PPP2R3B: variants seen among roughly 807,000 people sequenced by gnomAD.
PPP2R3B encodes the protein serine/threonine-protein phosphatase 2A regulatory subunit B'' subunit beta.
In PPP2R3B, 68 loss-of-function variants were observed where a neutral mutation model predicts 72.9. The observed-to-expected ratio is 0.93, with a 90% CI of 0.77 to 1.14. PPP2R3B has a LOEUF of 1.14. PPP2R3B is among the 50% of genes most tolerant of loss of function. The probability of loss-of-function intolerance (pLI) is 0.00; values close to 1 mark genes in which losing one functional copy is unlikely to be tolerated. For synonymous variants in PPP2R3B, 466 were observed against 375.8 expected, an observed-to-expected ratio of 1.24 and a Z score of -2.78; for missense variants, 1,018 against 842.0, an observed-to-expected ratio of 1.21 and a Z score of -2.59.
At chrX:364,774 TCGGGAGGC>T (rs1427988959) in intron 1 of PPP2R3B, among the ~76,000 whole-genome samples, 1 of 79,140 alleles carries the variant, frequency 1.3e-5, no homozygotes. Flanking sequence ...TCCCAGCTAC[TCGGGAGGC>T]TGAGGCAGGA....
At chrX:369,416 G>A (rs1339288900) in intron 1 of PPP2R3B, among the ~76,000 whole-genome samples, 2 of 152,224 alleles carry the variant, frequency 1.3e-5, no homozygotes, top group Non-Finnish European at 2.9e-5. Context: ...AGGGCACTGA[G>A]AAGGCAGCTC....
At chrX:353,143 G>A (rs1277024166) in intron 2 of PPP2R3B, among the ~76,000 whole-genome samples, 3 of 152,134 alleles carry the variant, frequency 2.0e-5, no homozygotes, top group Non-Finnish European at 4.4e-5. Context: ...AGACGCCAAG[G>A]CGGGTGGATC....
chrX:345,665 G>C lies in PPP2R3B; in HGVS notation c.887C>G (p.Ala296Gly). 6.2e-7 allele frequency: 1 copy of C among 1,612,342 alleles called. No homozygotes were observed. Among genetic ancestry groups the C allele is most frequent in the African/African-American group, 1.3e-5 (1 of 74,876 alleles). The change falls in exon 7 of 13, where the codon GCG becomes GGG. Residue 296 changes from alanine to glycine, a missense_variant. Transcript: ENST00000390665. ...GATGTCCGCCTCCTCCTCCAGCAGC[G>C]CCACATTCTGCCAAAGGACCCAGGC... Reference protein sequence around the residue: ...LRRSSFLQNVALLEEEADINQ... With the variant: ...LRRSSFLQNVGLLEEEADINQ...
intron 6 of PPP2R3B, among the ~76,000 whole-genome samples, 196 bp downstream of exon 6, chrX:345,978 C>A (rs2071196584): frequency 6.9e-6 from 1 of 144,730 alleles, no homozygotes; most frequent in African/African-American, 2.6e-5. Context: ...ACCGTGGACC[C>A]CCAACCGCAG....
intron 1 of PPP2R3B, among the ~76,000 whole-genome samples, chrX:382,834 C>G (rs376367403): frequency 1.6e-4 from 24 of 152,208 alleles, no homozygotes; most frequent in African/African-American, 5.8e-4. Context: ...TTTACCTTAG[C>G]GTCTGGCTGT....
intron 1 of PPP2R3B, among the ~76,000 whole-genome samples, chrX:370,595 C>T (rs1006384205): frequency 2.0e-5 from 3 of 152,306 alleles, no homozygotes; most frequent in South Asian, 2.1e-4. Flanking sequence ...TCTGTGTGGA[C>T]GTTCCCACCC....
At chrX:338,971 T>C in intron 10 of PPP2R3B, 75 bp from the exon 11 acceptor site, 1 of 1,231,188 alleles carries the variant, frequency 8.1e-7, no homozygotes, top group Non-Finnish European at 1.2e-6. Flanking sequence ...GGTGCGCGCG[T>C]CCTGTCACAC....
rs28671362 is a variant in PPP2R3B, at chrX:385,641, A to C, written c.324+727T>G. ...TCTGCAAAAATAAATAAATAAATAA[A>C]TAAACAAAAATTAGCCTGGCGTGAT... is the stretch of plus-strand genomic sequence containing the variant. On this transcript the variant is annotated intron_variant, in intron 1 of 12. Coordinates refer to ENST00000390665, the MANE Select transcript of PPP2R3B (RefSeq NM_013239.5). 8.4e-3 allele frequency among the ~76,000 whole-genome samples: 1,272 copies of C among 152,208 alleles called. 16 individuals are homozygous for C. Among genetic ancestry groups the C allele is most frequent in the African/African-American group, 0.029 (1,210 of 41,528 alleles).
At chrX:346,130 G>A (rs1381471497) in intron 6 of PPP2R3B, 44 bp downstream of exon 6, 6 of 1,419,226 alleles carry the variant, frequency 4.2e-6, no homozygotes, top group Middle Eastern at 2.5e-4. Flanking sequence ...GGTAGGAGGG[G>A]TAGGGACAAG....
At chrX:345,955 G>A (rs1045767870) in intron 6 of PPP2R3B, among the ~76,000 whole-genome samples, 19 of 147,106 alleles carry the variant, frequency 1.3e-4, no homozygotes, top group African/African-American at 4.5e-4. Flanking sequence ...GGCCCCACCC[G>A]CCTCCTAGAT....
intron 1 of PPP2R3B, among the ~76,000 whole-genome samples, chrX:385,498 T>C (rs992073916): frequency 7.7e-4 from 117 of 152,122 alleles, no homozygotes; most frequent in African/African-American, 2.8e-3. Flanking sequence ...AATCACCTTC[T>C]ATGAAATAAA....
chrX:338,576 CCCCCACTCACCCGTCCT>C lies in PPP2R3B; in HGVS notation c.1577+11_1577+27del. On this transcript the variant is annotated intron_variant, in intron 12 of 12. Coordinates refer to ENST00000390665, the MANE Select transcript of PPP2R3B (RefSeq NM_013239.5). ...TCACCCGTCCTCCCACTGACCCGTC[CCCCCACTCACCCGTCCT>C]CCCCACTCACCCGTCCTCCCAGGGC... 761 of 1,460,912 alleles carry C rather than the reference CCCCCACTCACCCGTCCT, an allele frequency of 5.2e-4. 1 individual carries two copies. The highest frequency in any genetic ancestry group is 6.1e-4 in the Admixed American group (32 of 52,864). The allele number at this position is 1,460,912 out of a possible 1,614,324, so 90.5% of individuals were successfully genotyped here.
intron 1 of PPP2R3B, among the ~76,000 whole-genome samples, chrX:379,167 CTGTGTGTATGGACCTATGTA>C (rs2072066264): frequency 6.9e-6 from 1 of 143,890 alleles, no homozygotes; most frequent in South Asian, 2.2e-4. Flanking sequence ...GTGCATGTAC[CTGTGTGTATGGACCTATGTA>C]TGTGTGTATG....
chrX:380,066 C>T (rs1428483156), intron 1 of PPP2R3B, among the ~76,000 whole-genome samples: 5 of 152,122 alleles, frequency 3.3e-5, no homozygotes, highest in African/African-American at 4.8e-5. Flanking sequence ...CCTCATACCA[C>T]GCAGAAAAAC....
chrX:353,749 G>A, intron 2 of PPP2R3B, among the ~76,000 whole-genome samples: 2 of 152,000 alleles, frequency 1.3e-5, no homozygotes, highest in East Asian at 3.9e-4. Flanking sequence ...GGGGCTGGGG[G>A]CTCACCCAAA....
At chrX:335,783 G>A (rs1237002713) in intron 12 of PPP2R3B, 3 of 152,214 alleles carry the variant, frequency 2.0e-5, no homozygotes, top group Non-Finnish European at 2.9e-5. Context: ...CGCTATCACT[G>A]GATTCTGCAG....
At chrX:368,275 G>A (rs754016305) in intron 1 of PPP2R3B, among the ~76,000 whole-genome samples, 16 of 142,356 alleles carry the variant, frequency 1.1e-4, no homozygotes, top group African/African-American at 4.0e-4. Context: ...GGGGAAGGCC[G>A]GGACCACCCA....
chrX:373,285 G>A (rs2071906785), intron 1 of PPP2R3B, among the ~76,000 whole-genome samples: 1 of 152,230 alleles, frequency 6.6e-6, no homozygotes, highest in Non-Finnish European at 1.5e-5. Flanking sequence ...TTCAAAGCCC[G>A]GTTTTCCTAA....
chrX:334,358 C>T lies in PPP2R3B; in HGVS notation c.*9G>A, dbSNP rs759337584. On this transcript the variant is annotated 3_prime_UTR_variant, in exon 13 of 13. Coordinates refer to ENST00000390665, the MANE Select transcript of PPP2R3B (RefSeq NM_013239.5). ...GAGCGGCCCCGCGGCGGCGTTCTCG[C>T]GGGCGGCGTCACAGCGGCTCCAGGT... The T allele has an allele frequency of 8.1e-5, 120 of 1,474,484 alleles. No homozygotes were observed. The highest frequency in any genetic ancestry group is 9.3e-5 in the Non-Finnish European group (105 of 1,123,642). The allele number at this position is 1,474,484 out of a possible 1,614,324, so 91.3% of individuals were successfully genotyped here.
Sources: gnomAD v4.1 joint callset for allele counts (sites outside exome capture counted in the v4.1 genomes callset) on GRCh38, gnomAD v4.1.1 for gene constraint, MANE v1.5 for transcripts, NCBI Gene and HGNC (gene_info 2026-07-23, HGNC 2026-07-21) for gene names.